The following TPPP variants were observed in gnomAD, a reference collection of about 807,000 sequenced individuals.
The protein encoded by TPPP is tubulin polymerization-promoting protein.
In TPPP, 6 loss-of-function variants were observed where a neutral mutation model predicts 15.5. The observed-to-expected ratio is 0.39, with a 90% confidence interval of 0.21 to 0.77. The LOEUF is 0.77. Among genes scored for constraint, TPPP ranks in the 30% least tolerant of loss-of-function variants. TPPP has a pLI of 0.42. For missense variants in TPPP, 269 were observed against 307.2 expected (o/e 0.88, Z 0.93); for synonymous variants, 146 against 133.9 (o/e 1.09, Z -0.63).
rs1486273266 is a variant in TPPP at position 668,122 on chromosome 5, C to CT, written c.312-2000_312-1999insA. ...CATCAGGGAAGTACCGACAAGCACA[C>CT]GGAGAGGGGTCCGCGTGGGCCCCGT... On this transcript the variant is annotated intron_variant, in intron 2 of 3. Transcript: ENST00000360578. Among the ~76,000 whole-genome samples, 3 of 118,484 alleles carry CT rather than the reference C, an allele frequency of 2.5e-5. 1 individual carries two copies. The highest frequency in any genetic ancestry group is 3.3e-5 in the Non-Finnish European group (2 of 59,984). 77.7% of individuals were successfully genotyped at this position (118,484 alleles called of 152,430 possible). A position where few individuals can be genotyped will look rare whatever the true frequency, so the allele number is the denominator to read the frequency against.
upstream of TPPP, among the ~76,000 whole-genome samples, chr5:697,304 C>A (rs1296942585): frequency 7.8e-6 from 1 of 127,408 alleles, no homozygotes; most frequent in Non-Finnish European, 1.7e-5. Context: ...GGTGTTCAGC[C>A]CTAGGCTGAG....
At chr5:672,243 G>A (rs888014133) in intron 2 of TPPP, among the ~76,000 whole-genome samples, 6 of 152,110 alleles carry the variant, frequency 3.9e-5, no homozygotes, top group Admixed American at 2.0e-4. Flanking sequence ...AGCCCTCCAC[G>A]CTCGGGGCAA....
At chr5:676,981 GACGCAGAAACGCGCACACGTGCAC>G (rs368217459) in intron 2 of TPPP, among the ~76,000 whole-genome samples, 164 of 111,510 alleles carry the variant, frequency 1.5e-3, no homozygotes, top group African/African-American at 2.1e-3. Context: ...ACGCACACAC[GACGCAGAAACGCGCACACGTGCAC>G]ACGCAGAAAC....
intron 2 of TPPP, among the ~76,000 whole-genome samples, chr5:671,134 C>T (rs554241989): frequency 6.6e-6 from 1 of 152,208 alleles, no homozygotes; most frequent in South Asian, 2.1e-4. Context: ...ACCGAAGGCT[C>T]CCCCCTGCCT....
chr5:675,279 G>T (rs1740377545), intron 2 of TPPP, among the ~76,000 whole-genome samples: 1 of 116,980 alleles, frequency 8.5e-6, no homozygotes. Context: ...CAGCCCAGGG[G>T]GTTCAGTGTG....
At chr5:668,895 C>T (rs1345067141) in intron 2 of TPPP, among the ~76,000 whole-genome samples, 1 of 152,182 alleles carries the variant, frequency 6.6e-6, no homozygotes, top group Non-Finnish European at 1.5e-5. Context: ...GCCAAGTGGC[C>T]AGGCTTGGAG....
rs758647631 is a variant in TPPP, at chr5:665,154, G to A, written c.608C>T (p.Ser203Phe). 1 of 1,613,390 alleles carries A rather than the reference G, an allele frequency of 6.2e-7. No individual in the cohort carries two copies. Among genetic ancestry groups the A allele is most frequent in the South Asian group, 1.1e-5 (1 of 91,088 alleles). Residue 203 changes from serine (S) to phenylalanine (F), a missense_variant, in exon 4 of 4, where the codon TCC (serine) becomes TTC (phenylalanine). By Grantham distance (155) the Ser-to-Phe change is radical. Transcript: ENST00000360578. ...GTAGGTGCCTGCGTGCTTGTAGCCGGACACATAGCCTGACTCGTCCACCAG... is the reference window on the plus strand; with the variant it reads ...GTAGGTGCCTGCGTGCTTGTAGCCGAACACATAGCCTGACTCGTCCACCAG... ...VDLVDESGYV[S>F]GYKHAGTYDQ... is the part of the protein sequence containing the mutation.
chr5:673,111 T>TC (rs1293299117), intron 2 of TPPP, among the ~76,000 whole-genome samples: 1 of 151,984 alleles, frequency 6.6e-6, no homozygotes, highest in Non-Finnish European at 1.5e-5. Flanking sequence ...AGGCAGAGGC[T>TC]CCCACAAGTG....
At chr5:691,870 TAAACCCCCATCAAAACAGCAGCCCCCC>T (rs1740880586) in intron 1 of TPPP, among the ~76,000 whole-genome samples, 12 of 18,318 alleles carry the variant, frequency 6.6e-4, no homozygotes, top group African/African-American at 2.6e-3. Context: ...AGCAGCCCCC[TAAACCCCCATCAAAACAGCAGCCCCCC>T]AAACCCCCAT....
At position 663,484 on chromosome 5, in the gene TPPP, C is replaced by G. The variant is rs1004925247; in HGVS notation, c.*1618G>C. 6.6e-6 allele frequency: 1 copy of G among 152,612 alleles called. No individual in the cohort carries two copies. The highest frequency in any genetic ancestry group is 2.4e-5 in the African/African-American group (1 of 41,596). 9.5% of individuals were successfully genotyped at this position (152,612 alleles called of 1,614,324 possible). Reference sequence around the variant, plus strand: ...CCTCCCCATCCTCAGGTGGAGGCTTCTCTGTTGAGGGGCCTCGGAGACCGC... The same window carrying G: ...CCTCCCCATCCTCAGGTGGAGGCTTGTCTGTTGAGGGGCCTCGGAGACCGC... On this transcript the variant is annotated 3_prime_UTR_variant, in exon 4 of 4. Coordinates refer to ENST00000360578, the MANE Select transcript of TPPP (RefSeq NM_007030.3).
At chr5:692,401 C>A in intron 1 of TPPP, among the ~76,000 whole-genome samples, 1 of 124,508 alleles carries the variant, frequency 8.0e-6, no homozygotes. Flanking sequence ...GCCCCCCAAA[C>A]CCCTATCAAA....
intron 1 of TPPP, among the ~76,000 whole-genome samples, chr5:686,432 G>A (rs1740769513): frequency 6.6e-6 from 1 of 151,912 alleles, no homozygotes; most frequent in Admixed American, 6.6e-5. Context: ...CCAGGGGCTG[G>A]TCCCTCATCC....
chr5:679,415 GT>G, intron 1 of TPPP, among the ~76,000 whole-genome samples: 1 of 109,562 alleles, frequency 9.1e-6, no homozygotes, highest in African/African-American at 3.9e-5. Context: ...GATCCTGGGG[GT>G]GGAAGGGCCG....
chr5:675,148 C>CAGGGGTGCAATGTGGCG (rs1740367084), intron 2 of TPPP, among the ~76,000 whole-genome samples: 1 of 115,618 alleles, frequency 8.6e-6, no homozygotes. Flanking sequence ...GCAGTGTGGC[C>CAGGGGTGCAATGTGGCG]AGGGGTGCAG....
chr5:673,367 A>G (rs1580084662), intron 2 of TPPP, among the ~76,000 whole-genome samples: 1 of 152,180 alleles, frequency 6.6e-6, no homozygotes, highest in East Asian at 1.9e-4. Flanking sequence ...TCCAAGCTGC[A>G]GGAGGGAAGG....
At chr5:696,319 C>T (rs367557952), upstream of TPPP, among the ~76,000 whole-genome samples, 25 of 117,636 alleles carry the variant, frequency 2.1e-4, 5 homozygotes, top group South Asian at 6.7e-3. Context: ...AATGGACTCA[C>T]GCGGACAGCA....
intron 2 of TPPP, among the ~76,000 whole-genome samples, chr5:671,822 C>T (rs554149444): frequency 4.5e-4 from 69 of 152,320 alleles, no homozygotes; most frequent in Middle Eastern, 3.4e-3. Flanking sequence ...GAGTGCAAGC[C>T]CGGGACAGGG....
At chr5:686,313 C>T (rs556340456) in intron 1 of TPPP, among the ~76,000 whole-genome samples, 7 of 152,378 alleles carry the variant, frequency 4.6e-5, no homozygotes, top group South Asian at 2.1e-4. Context: ...ACGCGGGGCA[C>T]ACCAGGTTAG....
At chr5:666,651 C>G (rs1029423833) in intron 2 of TPPP, among the ~76,000 whole-genome samples, 31 of 151,572 alleles carry the variant, frequency 2.0e-4, no homozygotes, top group Admixed American at 1.7e-3. Context: ...CCGCTGTGCC[C>G]TTGCACTGCT....
Sources: gnomAD v4.1 joint callset for allele counts (sites outside exome capture counted in the v4.1 genomes callset) on GRCh38, gnomAD v4.1.1 for gene constraint, MANE v1.5 for transcripts, NCBI Gene and HGNC (gene_info 2026-07-23, HGNC 2026-07-21) for gene names.